The following FSTL5 variants were observed in gnomAD, a reference collection of about 807,000 sequenced individuals.
The protein encoded by FSTL5 is follistatin like 5.
A neutral mutation model predicts 89.1 loss-of-function variants in FSTL5; 62 were observed. The observed-to-expected ratio is 0.70, with a 90% CI of 0.57 to 0.86. FSTL5 has a LOEUF of 0.86. FSTL5 is among the 40% of genes least tolerant of loss of function. The pLI, the probability that FSTL5 is intolerant of heterozygous loss-of-function variation, is 0.00. For synonymous variants in FSTL5, 383 were observed against 346.2 expected, an observed-to-expected ratio of 1.11 and a Z score of -1.18; for missense variants, 1,057 against 1,001.6, an observed-to-expected ratio of 1.06 and a Z score of -0.75.
rs7685966 is a variant in FSTL5, at chr4:161,512,251, G to T, written c.1313-1827C>A. On this transcript the variant is annotated intron_variant, in intron 10 of 15. Coordinates refer to ENST00000306100, the MANE Select transcript of FSTL5 (RefSeq NM_020116.5). The stretch of plus-strand genomic sequence containing the variant: ...CCTTATATCTCCACCCACTTACTTG[G>T]TGAGTACCAATTGAGTACCTAACAT... Among the ~76,000 whole-genome samples, 880 of 152,102 alleles carry T rather than the reference G, an allele frequency of 5.8e-3. 4 individuals carry two copies. The highest frequency in any genetic ancestry group is 0.02 in the African/African-American group (837 of 41,514).
intron 2 of FSTL5, among the ~76,000 whole-genome samples, chr4:162,075,389 T>A (rs750745571): frequency 6.6e-6 from 1 of 151,866 alleles, no homozygotes; most frequent in Non-Finnish European, 1.5e-5. Flanking sequence ...GAAAACAATG[T>A]AGTAACAATG....
intron 3 of FSTL5, among the ~76,000 whole-genome samples, chr4:161,945,499 A>G (rs1734709494): frequency 1.3e-5 from 2 of 152,332 alleles, no homozygotes; most frequent in South Asian, 4.1e-4. Context: ...CACGCCTGTA[A>G]TCCCAGCACT....
intron 3 of FSTL5, among the ~76,000 whole-genome samples, chr4:161,959,014 C>A (rs1735100696): frequency 6.6e-6 from 1 of 152,014 alleles, no homozygotes; most frequent in Admixed American, 6.6e-5. Context: ...TGAAATTTCC[C>A]CGTCAATGAC....
At chr4:161,555,278 CT>C in intron 8 of FSTL5, among the ~76,000 whole-genome samples, 1 of 151,454 alleles carries the variant, frequency 6.6e-6, no homozygotes, top group Non-Finnish European at 1.5e-5. Flanking sequence ...AGTTAGTGGC[CT>C]TTTTAATCCT....
intron 3 of FSTL5, among the ~76,000 whole-genome samples, chr4:161,996,824 G>A (rs973538728): frequency 1.3e-5 from 2 of 152,142 alleles, no homozygotes; most frequent in African/African-American, 4.8e-5. Flanking sequence ...GAATCCATCT[G>A]TACTTTAAGT....
chr4:161,635,450 T>G (rs574980853), intron 7 of FSTL5, among the ~76,000 whole-genome samples: 3 of 151,474 alleles, frequency 2.0e-5, no homozygotes, highest in Non-Finnish European at 4.4e-5. Flanking sequence ...CACTGAAAAT[T>G]AGCTTCGTTT....
chr4:161,965,565 A>G (rs1160478854), intron 3 of FSTL5, among the ~76,000 whole-genome samples: 2 of 152,112 alleles, frequency 1.3e-5, no homozygotes, highest in African/African-American at 4.8e-5. Flanking sequence ...ATGGGTTTTC[A>G]TGTCTAGTAG....
At chr4:161,438,733 A>T (rs1201016895) in intron 15 of FSTL5, among the ~76,000 whole-genome samples, 1 of 152,202 alleles carries the variant, frequency 6.6e-6, no homozygotes, top group Non-Finnish European at 1.5e-5. Context: ...AATGTAATGA[A>T]GTAACTATGA....
chr4:162,133,673 GTGAA>G (rs1248364801), intron 1 of FSTL5, among the ~76,000 whole-genome samples: 18 of 152,148 alleles, frequency 1.2e-4, no homozygotes, highest in Non-Finnish European at 1.0e-4. Context: ...TATTTAATAA[GTGAA>G]TGAATGAAAG....
At chr4:161,698,181 C>T (rs909219807) in intron 6 of FSTL5, among the ~76,000 whole-genome samples, 2 of 152,156 alleles carry the variant, frequency 1.3e-5, no homozygotes, top group Non-Finnish European at 2.9e-5. Flanking sequence ...AAGAAGATGG[C>T]CATTTGTGAA....
intron 3 of FSTL5, among the ~76,000 whole-genome samples, chr4:161,988,985 G>C (rs1268192563): frequency 6.6e-6 from 1 of 152,142 alleles, no homozygotes; most frequent in Admixed American, 6.5e-5. Flanking sequence ...TTGACAAAGT[G>C]TCTGATGGGA....
chr4:161,839,254 A>C (rs1731139024), intron 4 of FSTL5, among the ~76,000 whole-genome samples: 1 of 152,158 alleles, frequency 6.6e-6, no homozygotes, highest in African/African-American at 2.4e-5. Flanking sequence ...TGAAAATATT[A>C]ATGCAATGAT....
At chr4:162,116,850 A>G (rs998173798) in intron 1 of FSTL5, among the ~76,000 whole-genome samples, 3 of 152,178 alleles carry the variant, frequency 2.0e-5, no homozygotes, top group East Asian at 1.9e-4. Context: ...GAAAAATTCT[A>G]TGGGTCTTTT....
At chr4:161,781,550 G>A (rs1347354) in intron 4 of FSTL5, among the ~76,000 whole-genome samples, 112,369 of 151,946 alleles carry the variant, frequency 0.74, 41,549 homozygotes, top group Non-Finnish European at 0.76. Flanking sequence ...TTAAAGAGCC[G>A]TGATTATTGT....
chr4:161,438,066 G>A (rs1732633426), intron 15 of FSTL5, among the ~76,000 whole-genome samples: 1 of 147,742 alleles, frequency 6.8e-6, no homozygotes, highest in South Asian at 2.1e-4. Flanking sequence ...CCTCATTCCC[G>A]CACAAGTCAA....
chr4:161,955,127 T>G (rs1734994776), intron 3 of FSTL5, among the ~76,000 whole-genome samples: 1 of 151,634 alleles, frequency 6.6e-6, no homozygotes, highest in Non-Finnish European at 1.5e-5. Flanking sequence ...TGAGAAAAAT[T>G]ATGAAATGTA....
At chr4:162,002,053 C>T (rs1213594343) in intron 3 of FSTL5, among the ~76,000 whole-genome samples, 1 of 151,912 alleles carries the variant, frequency 6.6e-6, no homozygotes, top group East Asian at 1.9e-4. Context: ...GCATTTTACA[C>T]AGGAATATTG....
At chr4:161,498,911 G>T (rs886589843) in intron 12 of FSTL5, among the ~76,000 whole-genome samples, 1 of 151,988 alleles carries the variant, frequency 6.6e-6, no homozygotes, top group African/African-American at 2.4e-5. Context: ...GATTATAAAA[G>T]AAAATAGGGC....
intron 4 of FSTL5, among the ~76,000 whole-genome samples, chr4:161,838,702 C>T (rs1156449635): frequency 6.6e-6 from 1 of 151,700 alleles, no homozygotes. Flanking sequence ...ATATTAGGTG[C>T]CAAAATATAA....
Sources: allele counts gnomAD v4.1 joint callset (sites outside exome capture counted in the v4.1 genomes callset), GRCh38; gene constraint gnomAD v4.1.1; transcripts MANE v1.5; gene names NCBI Gene and HGNC (gene_info 2026-07-23, HGNC 2026-07-21).